Variants in ERC2 observed in about 807,000 individuals in gnomAD.
ERC2 encodes ELKS/RAB6-interacting/CAST family member 2, also known as ERC protein 2.
ERC2 carries 42 observed loss-of-function variants against 114.8 expected under a neutral mutation model. The ratio of observed to expected loss-of-function variants is 0.37; its 90% CI spans 0.29 to 0.47. ERC2 has a LOEUF of 0.47. Ranked by LOEUF, ERC2 falls within the 20% of genes least tolerant of loss-of-function variation. The pLI is 0.99. For synonymous variants in ERC2, 454 were observed against 425.5 expected, an observed-to-expected ratio of 1.07 and a Z score of -0.82; for missense variants, 939 against 1,150.7, an observed-to-expected ratio of 0.82 and a Z score of 2.66.
At chr3:55,841,007 T>C (rs1293157611) in intron 14 of ERC2, among the ~76,000 whole-genome samples, 1 of 152,086 alleles carries the variant, frequency 6.6e-6, no homozygotes, top group East Asian at 1.9e-4. Flanking sequence ...CATTAGGAAA[T>C]TTGGGGTAGT....
chr3:56,059,971 C>T (rs567086965), intron 7 of ERC2, among the ~76,000 whole-genome samples: 3 of 152,348 alleles, frequency 2.0e-5, no homozygotes, highest in African/African-American at 7.2e-5. Context: ...TCCTGATCTA[C>T]AAATGTGTCT....
intron 7 of ERC2, among the ~76,000 whole-genome samples, chr3:56,057,543 G>T (rs1279573772): frequency 1.3e-5 from 2 of 152,154 alleles, no homozygotes; most frequent in Admixed American, 1.3e-4. Flanking sequence ...TTTCGCCTAA[G>T]ATGTACCTAA....
chr3:55,939,523 A>G (rs1381646139), intron 13 of ERC2, among the ~76,000 whole-genome samples: 1 of 152,242 alleles, frequency 6.6e-6, no homozygotes, highest in Non-Finnish European at 1.5e-5. Flanking sequence ...AACCTAAAAG[A>G]ATATGTATTA....
chr3:56,291,253 C>G (rs879373353), intron 3 of ERC2, among the ~76,000 whole-genome samples: 1 of 152,188 alleles, frequency 6.6e-6, no homozygotes, highest in Non-Finnish European at 1.5e-5. Flanking sequence ...AATGTCTTAT[C>G]AAATCAACCT....
At chr3:56,395,687 A>G (rs2060280435) in intron 2 of ERC2, among the ~76,000 whole-genome samples, 1 of 152,204 alleles carries the variant, frequency 6.6e-6, no homozygotes, top group African/African-American at 2.4e-5. Flanking sequence ...CTTCACCAGA[A>G]TCTGAGCAGA....
intron 6 of ERC2, among the ~76,000 whole-genome samples, chr3:56,100,628 G>T (rs1256815157): frequency 1.3e-5 from 2 of 152,142 alleles, no homozygotes; most frequent in East Asian, 3.8e-4. Context: ...TACAAAATTT[G>T]CCTTCCTCAT....
chr3:55,893,703 T>G (rs796339743), intron 13 of ERC2, among the ~76,000 whole-genome samples: 2 of 152,188 alleles, frequency 1.3e-5, no homozygotes, highest in South Asian at 4.1e-4. Context: ...TATTTTCCAT[T>G]CATCACCAAC....
chr3:56,295,990 C>T (rs376660888), intron 3 of ERC2, 29 bp downstream of exon 3: 15 of 1,526,568 alleles, frequency 9.8e-6, no homozygotes, highest in Non-Finnish European at 1.1e-5. Context: ...TAAATTAAGG[C>T]TTTGGGGAAA....
intron 3 of ERC2, among the ~76,000 whole-genome samples, chr3:56,219,075 A>G (rs1040022669): frequency 1.3e-5 from 2 of 152,142 alleles, no homozygotes; most frequent in Admixed American, 6.5e-5. Context: ...AACATGGCAC[A>G]TGCATACATA....
At chr3:55,676,623 TTC>T (rs1464474094) in intron 17 of ERC2, among the ~76,000 whole-genome samples, 1 of 20,198 alleles carries the variant, frequency 5.0e-5, no homozygotes, top group Non-Finnish European at 1.0e-4. Flanking sequence ...TTTGTGTGAT[TTC>T]TCTGACCTCA....
chr3:56,005,883 T>C (rs1480457803), intron 10 of ERC2, among the ~76,000 whole-genome samples: 2 of 152,074 alleles, frequency 1.3e-5, no homozygotes, highest in African/African-American at 4.8e-5. Context: ...AAGAGCACAT[T>C]TATATAGGTC....
At chr3:56,073,790 C>A (rs2076850681) in intron 7 of ERC2, among the ~76,000 whole-genome samples, 1 of 152,106 alleles carries the variant, frequency 6.6e-6, no homozygotes, top group Non-Finnish European at 1.5e-5. Flanking sequence ...AAGCCAACAA[C>A]CAAAGGAAAG....
intron 4 of ERC2, among the ~76,000 whole-genome samples, chr3:56,170,834 G>C (rs189926263): frequency 6.9e-6 from 1 of 144,904 alleles, no homozygotes; most frequent in Non-Finnish European, 1.5e-5. Flanking sequence ...GCACGATCTC[G>C]ACTCACTGCA....
At chr3:55,852,296 G>T (rs1013218902) in intron 14 of ERC2, among the ~76,000 whole-genome samples, 3 of 152,150 alleles carry the variant, frequency 2.0e-5, no homozygotes, top group Admixed American at 6.6e-5. Flanking sequence ...TAAACTACTA[G>T]CTTAGAATTA....
chr3:56,318,115 T>C (rs2056955180), intron 2 of ERC2, among the ~76,000 whole-genome samples: 1 of 152,200 alleles, frequency 6.6e-6, no homozygotes, highest in African/African-American at 2.4e-5. Flanking sequence ...TAAATATAAA[T>C]GATCAGTACA....
At chr3:56,289,953 CAT>C (rs2054975349) in intron 3 of ERC2, among the ~76,000 whole-genome samples, 1 of 152,170 alleles carries the variant, frequency 6.6e-6, no homozygotes, top group Non-Finnish European at 1.5e-5. Flanking sequence ...GTGTAATACA[CAT>C]GATGACAACA....
chr3:55,605,098 GC>G (rs2058584996), intron 17 of ERC2, among the ~76,000 whole-genome samples: 1 of 151,986 alleles, frequency 6.6e-6, no homozygotes, highest in Admixed American at 6.6e-5. Flanking sequence ...GAAGAAACAT[GC>G]AAATTTTTTT....
intron 3 of ERC2, among the ~76,000 whole-genome samples, chr3:56,235,787 A>T (rs1024654523): frequency 1.3e-5 from 2 of 152,228 alleles, no homozygotes; most frequent in Non-Finnish European, 2.9e-5. Flanking sequence ...CACCAGCCAC[A>T]TTTTAAGTAC....
intron 14 of ERC2, among the ~76,000 whole-genome samples, chr3:55,759,716 A>G (rs1441677394): frequency 6.6e-6 from 1 of 152,198 alleles, no homozygotes; most frequent in Non-Finnish European, 1.5e-5. Flanking sequence ...AAATGAGTCC[A>G]GTAGTTAATT....
Sources: allele counts gnomAD v4.1 joint callset (sites outside exome capture counted in the v4.1 genomes callset), GRCh38; gene constraint gnomAD v4.1.1; transcripts MANE v1.5; gene names NCBI Gene and HGNC (gene_info 2026-07-23, HGNC 2026-07-21).